IQCM: variants seen among roughly 807,000 people sequenced by gnomAD.
IQCM encodes the protein IQ motif containing M.
IQCM carries 45 observed loss-of-function variants against 57.6 expected under a neutral mutation model. That is an observed-to-expected ratio of 0.78 (90% CI 0.62 to 1.00). The LOEUF (loss-of-function observed/expected upper bound fraction) is 1.00. Among genes scored for constraint, IQCM ranks in the 50% least tolerant of loss-of-function variants. The pLI, the probability that IQCM is intolerant of heterozygous loss-of-function variation, is 0.00. For synonymous variants in IQCM, 148 were observed against 158.9 expected (o/e 0.93, Z 0.51); for missense variants, 468 against 511.6 (o/e 0.91, Z 0.82).
rs370644855 is a variant in IQCM at position 149,672,796 on chromosome 4, G to A, written c.565+9322C>T. Among the ~76,000 whole-genome samples the A allele has an allele frequency of 2.8e-4, 42 of 152,116 alleles. No individual in the cohort carries two copies. In the South Asian group the frequency reaches 7.5e-3, roughly 27 times the overall value. On this transcript the variant is annotated intron_variant, in intron 7 of 13. Transcript: ENST00000636793. Reference sequence around the variant, plus strand: ...AGAGAACACCACAAAGATACTCCTCGAGAAGAGCAATCCCAAGACACATAA... The same window carrying A: ...AGAGAACACCACAAAGATACTCCTCAAGAAGAGCAATCCCAAGACACATAA...
At chr4:149,616,581 T>A (rs1755808947) in intron 8 of IQCM, among the ~76,000 whole-genome samples, 2 of 152,114 alleles carry the variant, frequency 1.3e-5, no homozygotes. Context: ...GTTAAAATGG[T>A]AAAATATATG....
At chr4:149,386,778 T>A (rs1287170453) in intron 13 of IQCM, among the ~76,000 whole-genome samples, 1 of 152,038 alleles carries the variant, frequency 6.6e-6, no homozygotes, top group Non-Finnish European at 1.5e-5. Flanking sequence ...AGGTGTTCTA[T>A]AGAATGTCCT....
chr4:149,590,078 A>C (rs1752986035), intron 8 of IQCM, among the ~76,000 whole-genome samples: 1 of 151,910 alleles, frequency 6.6e-6, no homozygotes, highest in Non-Finnish European at 1.5e-5. Context: ...GGGGTGGCAA[A>C]TGTGAAGGCT....
At chr4:149,655,015 T>C (rs1298897384) in intron 7 of IQCM, among the ~76,000 whole-genome samples, 1 of 152,182 alleles carries the variant, frequency 6.6e-6, no homozygotes, top group Non-Finnish European at 1.5e-5. Flanking sequence ...AAATTTTAAG[T>C]TATAAGTGTG....
chr4:149,622,257 T>C (rs1276406842), intron 7 of IQCM, among the ~76,000 whole-genome samples: 1 of 152,194 alleles, frequency 6.6e-6, no homozygotes, highest in Non-Finnish European at 1.5e-5. Flanking sequence ...CAAGAGTCTC[T>C]GCACTCTTTC....
At chr4:149,418,183 TA>T (rs1733884087) in intron 13 of IQCM, among the ~76,000 whole-genome samples, 1 of 149,970 alleles carries the variant, frequency 6.7e-6, no homozygotes, top group South Asian at 2.1e-4. Context: ...TTTTTTTAAT[TA>T]ATAAAACAGA....
chr4:149,521,138 C>G (rs1167665339), intron 12 of IQCM, among the ~76,000 whole-genome samples: 1 of 152,178 alleles, frequency 6.6e-6, no homozygotes, highest in East Asian at 1.9e-4. Context: ...GGTCACAGAC[C>G]CTCTTTAAAC....
chr4:149,739,990 G>C (rs1767305713), intron 3 of IQCM, among the ~76,000 whole-genome samples: 1 of 152,168 alleles, frequency 6.6e-6, no homozygotes. Flanking sequence ...TGGAAACTAT[G>C]ACAGAGAATA....
chr4:149,679,178 A>C (rs940557502), intron 7 of IQCM, among the ~76,000 whole-genome samples: 1 of 151,746 alleles, frequency 6.6e-6, no homozygotes, highest in Non-Finnish European at 1.5e-5. Context: ...CATATTATGC[A>C]CAATGAAATA....
intron 13 of IQCM, among the ~76,000 whole-genome samples, chr4:149,355,380 C>A (rs969665859): frequency 6.7e-6 from 1 of 149,402 alleles, no homozygotes; most frequent in East Asian, 2.0e-4. Context: ...TCTCCTAATG[C>A]TATCCCTTCC....
At chr4:149,682,646 C>T (rs1199670821) in intron 6 of IQCM, among the ~76,000 whole-genome samples, 3 of 151,054 alleles carry the variant, frequency 2.0e-5, no homozygotes, top group African/African-American at 7.3e-5. Context: ...AAATAAAAAT[C>T]TCCCCTAATC....
At chr4:149,714,430 T>G (rs1764823175) in intron 5 of IQCM, among the ~76,000 whole-genome samples, 1 of 152,180 alleles carries the variant, frequency 6.6e-6, no homozygotes, top group Admixed American at 6.5e-5. Flanking sequence ...TAACTGATAC[T>G]GGTCCTTTCC....
intron 12 of IQCM, among the ~76,000 whole-genome samples, chr4:149,520,281 C>T (rs968545499): frequency 6.7e-6 from 1 of 148,708 alleles, no homozygotes; most frequent in African/African-American, 2.5e-5. Flanking sequence ...GAGTAATGCA[C>T]CCTGGCTCCC....
chr4:149,412,851 TA>T (rs1222829937), intron 13 of IQCM, among the ~76,000 whole-genome samples: 2 of 152,134 alleles, frequency 1.3e-5, no homozygotes. Context: ...GGCTTTTCTG[TA>T]AGAGGGAACA....
At chr4:149,387,836 C>A (rs558438284) in intron 13 of IQCM, among the ~76,000 whole-genome samples, 1 of 152,006 alleles carries the variant, frequency 6.6e-6, no homozygotes, top group East Asian at 1.9e-4. Flanking sequence ...TTAACAGTCA[C>A]CCCCTACTAC....
chr4:149,451,717 G>A (rs1165955208), intron 12 of IQCM, among the ~76,000 whole-genome samples: 1 of 151,670 alleles, frequency 6.6e-6, no homozygotes, highest in African/African-American at 2.4e-5. Flanking sequence ...AATTTTCTCA[G>A]CGGTGTACAG....
rs191316814 is a variant in IQCM at position 149,370,429 on chromosome 4, C to A, written c.1391-18363G>T. Among the ~76,000 whole-genome samples the A allele has an allele frequency of 5.9e-5, 9 of 152,112 alleles. No individual in the cohort carries two copies. The East Asian group carries it at 1.7e-3, about 29-fold the overall frequency. On this transcript the variant is annotated intron_variant, in intron 13 of 13. Coordinates refer to ENST00000636793, the MANE Select transcript of IQCM (RefSeq NM_001363507.2). ...TGAAGTATAATAATTTCTCAATAAA[C>A]TTTAGCTGTTATTATTCCCCTTTTC...
chr4:149,770,503 G>C (rs1413939660), intron 2 of IQCM, among the ~76,000 whole-genome samples: 1 of 152,020 alleles, frequency 6.6e-6, no homozygotes, highest in Non-Finnish European at 1.5e-5. Flanking sequence ...AAAACCTATG[G>C]ACGATATCCT....
chr4:149,790,083 C>T, intron 2 of IQCM: 1 of 642,216 alleles, frequency 1.6e-6, no homozygotes. Context: ...ACTTCATCTG[C>T]AGCATCCTCA....
Sources: allele counts gnomAD v4.1 joint callset (sites outside exome capture counted in the v4.1 genomes callset), GRCh38; gene constraint gnomAD v4.1.1; transcripts MANE v1.5; gene names NCBI Gene and HGNC (gene_info 2026-07-23, HGNC 2026-07-21).